IFT81: variants seen among roughly 807,000 people sequenced by gnomAD.
IFT81 encodes intraflagellar transport 81.
A neutral mutation model predicts 102.6 loss-of-function variants in IFT81; 72 were observed. That is an observed-to-expected ratio of 0.70 (90% CI 0.58 to 0.85). IFT81 has a LOEUF of 0.85. IFT81 is among the 40% of genes least tolerant of loss of function. The probability of loss-of-function intolerance (pLI) is 0.00; values close to 1 mark genes in which losing one functional copy is unlikely to be tolerated. For missense variants in IFT81, 723 were observed against 787.3 expected (o/e 0.92, Z 0.98); for synonymous variants, 237 against 242.7 (o/e 0.98, Z 0.22).
intron 10 of IFT81, among the ~76,000 whole-genome samples, chr12:110,153,795 C>T (rs1329204109): frequency 6.6e-6 from 1 of 150,510 alleles, no homozygotes; most frequent in Non-Finnish European, 1.5e-5. Flanking sequence ...TTTTGGTAGA[C>T]ACAGGGTTTC....
chr12:110,191,358 A>G (rs1185103359), intron 13 of IFT81, among the ~76,000 whole-genome samples: 2 of 151,500 alleles, frequency 1.3e-5, no homozygotes, highest in East Asian at 1.9e-4. Flanking sequence ...TTTAGTAGAG[A>G]CAGGGTTTCA....
At chr12:110,163,705 T>C (rs1290272522) in intron 11 of IFT81, among the ~76,000 whole-genome samples, 1 of 151,170 alleles carries the variant, frequency 6.6e-6, no homozygotes, top group Admixed American at 6.6e-5. Context: ...AACCTCTGCC[T>C]TCTGGGTTCA....
At chr12:110,215,770 T>C (rs1191697440) in intron 18 of IFT81, among the ~76,000 whole-genome samples, 3 of 152,072 alleles carry the variant, frequency 2.0e-5, no homozygotes, top group Non-Finnish European at 1.5e-5. Flanking sequence ...CCTTCCTCAA[T>C]TTGCCATAAT....
intron 12 of IFT81, among the ~76,000 whole-genome samples, chr12:110,189,496 C>T (rs762406428): frequency 3.3e-5 from 5 of 151,838 alleles, no homozygotes; most frequent in Non-Finnish European, 7.4e-5. Context: ...TTACAGGTGC[C>T]CACCAACACA....
intron 14 of IFT81, among the ~76,000 whole-genome samples, chr12:110,195,819 C>T (rs1897976385): frequency 6.6e-6 from 1 of 152,150 alleles, no homozygotes; most frequent in South Asian, 2.1e-4. Flanking sequence ...TAGTTTATTG[C>T]CTAAACATTT....
At chr12:110,135,753 G>A (rs748935876) in intron 7 of IFT81, among the ~76,000 whole-genome samples, 18 of 151,418 alleles carry the variant, frequency 1.2e-4, no homozygotes, top group Non-Finnish European at 1.6e-4. Flanking sequence ...TGTAGTCCCA[G>A]CTACTCCAGA....
chr12:110,132,363 C>T (rs987780062), intron 4 of IFT81, among the ~76,000 whole-genome samples, 184 bp from the exon 5 acceptor site: 5 of 151,064 alleles, frequency 3.3e-5, no homozygotes, highest in South Asian at 4.2e-4. Context: ...AGGAGGCTGA[C>T]GCAGGAGAAT....
chr12:110,188,208 G>A (rs141135753), intron 12 of IFT81, among the ~76,000 whole-genome samples: 3,242 of 151,614 alleles, frequency 0.021, 105 homozygotes, highest in African/African-American at 0.074. Flanking sequence ...GGTGGGTGCC[G>A]GGAATCCCAG....
chr12:110,193,245 G>A (rs770293378), intron 14 of IFT81, among the ~76,000 whole-genome samples: 2 of 152,126 alleles, frequency 1.3e-5, no homozygotes, highest in Non-Finnish European at 2.9e-5. Context: ...TGGAGGCAGA[G>A]GAGATGGAGA....
chr12:110,185,742 C>T (rs1897500366), intron 12 of IFT81, among the ~76,000 whole-genome samples: 2 of 151,908 alleles, frequency 1.3e-5, no homozygotes, highest in South Asian at 4.2e-4. Flanking sequence ...TACAGGCGTG[C>T]ACTACCACAC....
chr12:110,140,660 G>A (rs968708825), intron 8 of IFT81, among the ~76,000 whole-genome samples: 7 of 152,202 alleles, frequency 4.6e-5, no homozygotes, highest in Middle Eastern at 3.4e-3. Context: ...AGATTTAATC[G>A]AAAACCACAT....
chr12:110,144,440 C>T (rs944624779), intron 9 of IFT81, among the ~76,000 whole-genome samples: 2 of 151,886 alleles, frequency 1.3e-5, no homozygotes, highest in African/African-American at 2.4e-5. Flanking sequence ...TGGTCTCAAA[C>T]TCCTGACCTT....
chr12:110,137,596 C>T (rs540229637), intron 8 of IFT81, among the ~76,000 whole-genome samples: 11 of 151,956 alleles, frequency 7.2e-5, no homozygotes, highest in African/African-American at 2.7e-4. Context: ...ATTAGCTGGG[C>T]ATGATGTCAT....
chr12:110,204,966 G>A lies in IFT81; in HGVS notation c.1645-477G>A, dbSNP rs190882538. The A allele has an allele frequency of 1.3e-3, 198 of 154,280 alleles. 1 individual carries two copies. The highest frequency in any genetic ancestry group is 4.4e-3 in the African/African-American group (185 of 41,606). The allele number at this position is 154,280 out of a possible 1,614,324, so 9.6% of individuals were successfully genotyped here. ...ATGTATGATTGGGCCAGATGCAGTC[G>A]CTCATGCCTGTAATCCCAGCACTTT... On this transcript the variant is annotated intron_variant, in intron 15 of 18. Coordinates refer to ENST00000242591, the MANE Select transcript of IFT81 (RefSeq NM_014055.4).
chr12:110,196,515 G>A (rs966087107), intron 14 of IFT81, among the ~76,000 whole-genome samples: 64 of 152,150 alleles, frequency 4.2e-4, no homozygotes, highest in African/African-American at 1.5e-3. Context: ...GCGAGACTCC[G>A]TCTCAAAAAA....
At position 110,128,149 on chromosome 12, in the gene IFT81, T is replaced by C. The variant is rs759948710; in HGVS notation, c.248T>C (p.Met83Thr). 5.1e-6 allele frequency: 8 copies of C among 1,566,830 alleles called. No homozygotes were observed. In the Admixed American group the frequency reaches 1.0e-4, roughly 20 times the overall value. Residue 83 changes from methionine to threonine, a missense_variant and splice_region_variant, in exon 3 of 19, where the codon ATG (methionine) becomes ACG (threonine). Met to Thr is a moderately conservative substitution (Grantham distance 81). Transcript: ENST00000242591. ...AAACCTTCAGGAAATGCCACAGATA[T>C]GTAAGAATCTGATCACGTATTGAGT... ...KYKPSGNATD[M>T]STFRQGLVIG... is the part of the protein sequence containing the mutation.
At chr12:110,167,379 G>A (rs1484418745) in intron 11 of IFT81, among the ~76,000 whole-genome samples, 8 of 152,094 alleles carry the variant, frequency 5.3e-5, no homozygotes, top group Admixed American at 4.6e-4. Flanking sequence ...TCTTCTCAGT[G>A]ATAAAAGATA....
At chr12:110,134,826 G>A in intron 5 of IFT81, 122 bp from the exon 6 acceptor site, 1 of 681,576 alleles carries the variant, frequency 1.5e-6, no homozygotes, top group Middle Eastern at 2.7e-4. Context: ...AGAGGATCTT[G>A]GTTGTTAATG....
rs897441632 is a variant in IFT81, at chr12:110,128,967, G to T, written c.266G>T (p.Gly89Val). The T allele has an allele frequency of 5.0e-6, 8 of 1,613,488 alleles. No individual in the cohort carries two copies. The highest frequency in any genetic ancestry group is 3.3e-5 in the Admixed American group (2 of 59,888). The part of the protein sequence containing the change: ...NATDMSTFRQ[G>V]LVIGSKPVIY... Reference sequence around the variant, plus strand: ...TCTCTTAGGAGTACTTTTCGTCAGGGTTTGGTGATTGGAAGTAAACCTGTA... The same window carrying T: ...TCTCTTAGGAGTACTTTTCGTCAGGTTTTGGTGATTGGAAGTAAACCTGTA... The change falls in exon 4 of 19, where the codon GGT becomes GTT. Residue 89 changes from glycine (G) to valine (V), a missense_variant. Physicochemically the swap from Gly to Val is moderately radical, Grantham distance 109. Coordinates refer to ENST00000242591, the MANE Select transcript of IFT81 (RefSeq NM_014055.4).
Sources: gnomAD v4.1 joint callset for allele counts (sites outside exome capture counted in the v4.1 genomes callset) on GRCh38, gnomAD v4.1.1 for gene constraint, MANE v1.5 for transcripts, NCBI Gene and HGNC (gene_info 2026-07-23, HGNC 2026-07-21) for gene names.